The following RBFOX1 variants were observed in gnomAD, a reference collection of about 807,000 sequenced individuals.
RBFOX1 encodes RNA binding protein fox-1 homolog 1.
In RBFOX1, 8 loss-of-function variants were observed where a neutral mutation model predicts 57.7. The observed-to-expected ratio is 0.14, with a 90% CI of 0.08 to 0.25. RBFOX1 has a LOEUF of 0.25. RBFOX1 is among the 10% of genes least tolerant of loss of function. The pLI, the probability that RBFOX1 is intolerant of heterozygous loss-of-function variation, is 1.00. For synonymous variants in RBFOX1, 326 were observed against 222.4 expected (o/e 1.47, Z -4.15); for missense variants, 611 against 548.5 (o/e 1.11, Z -1.14).
chr16:7,594,872 T>C (rs1250406568), intron 7 of RBFOX1, among the ~76,000 whole-genome samples: 1 of 152,202 alleles, frequency 6.6e-6, no homozygotes, highest in African/African-American at 2.4e-5. Flanking sequence ...AAACATTGAA[T>C]TGTTTGTATT....
chr16:7,371,033 G>A (rs1326194683), intron 4 of RBFOX1, among the ~76,000 whole-genome samples: 3 of 152,130 alleles, frequency 2.0e-5, no homozygotes, highest in South Asian at 4.1e-4. Context: ...CTGTATTTTT[G>A]ACTTGCCTGT....
At chr16:6,905,564 A>C (rs980423650) in intron 3 of RBFOX1, among the ~76,000 whole-genome samples, 9 of 151,708 alleles carry the variant, frequency 5.9e-5, no homozygotes, top group Non-Finnish European at 1.3e-4. Context: ...AAAAAAAAAA[A>C]AAGTGTAGAT....
chr16:6,719,402 T>A (rs889515816), intron 3 of RBFOX1, among the ~76,000 whole-genome samples: 2 of 151,940 alleles, frequency 1.3e-5, no homozygotes, highest in Non-Finnish European at 2.9e-5. Flanking sequence ...TACTAATAGT[T>A]TAAAAGTTTT....
At chr16:6,613,114 C>A (rs546012092) in intron 2 of RBFOX1, among the ~76,000 whole-genome samples, 3 of 151,792 alleles carry the variant, frequency 2.0e-5, no homozygotes, top group Admixed American at 2.0e-4. Flanking sequence ...CTGATTAATA[C>A]TTTTGCACTC....
At chr16:7,688,986 G>A (rs999323937) in intron 14 of RBFOX1, among the ~76,000 whole-genome samples, 1 of 151,968 alleles carries the variant, frequency 6.6e-6, no homozygotes, top group Non-Finnish European at 1.5e-5. Flanking sequence ...GCTTGGTCTT[G>A]AGCCAAGCCA....
rs138521429 is a variant in RBFOX1 at position 6,837,396 on chromosome 16, A to G, written c.-16+182746A>G. Among the ~76,000 whole-genome samples the G allele has an allele frequency of 4.0e-3, 607 of 152,330 alleles. 4 individuals are homozygous for G. The highest frequency in any genetic ancestry group is 7.2e-3 in the Non-Finnish European group (487 of 68,032). On this transcript the variant is annotated intron_variant, in intron 3 of 15. Coordinates refer to ENST00000550418, the MANE Select transcript of RBFOX1 (RefSeq NM_018723.4). The stretch of plus-strand genomic sequence containing the variant: ...TTCTCCGCAATGGTAGTGACTTCCA[A>G]TCACGGTCCACCAGCTAGAGCTGAT...
At chr16:6,607,428 C>CTG (rs1186662463) in intron 2 of RBFOX1, among the ~76,000 whole-genome samples, 26 of 150,924 alleles carry the variant, frequency 1.7e-4, no homozygotes, top group Admixed American at 1.3e-3. Flanking sequence ...CTCTCTCTCT[C>CTG]TCTCTCTCGC....
At chr16:7,073,840 G>T (rs999155471) in intron 4 of RBFOX1, among the ~76,000 whole-genome samples, 3 of 152,076 alleles carry the variant, frequency 2.0e-5, no homozygotes, top group Admixed American at 1.3e-4. Flanking sequence ...CTGGGTGACA[G>T]AGCAAGGCAT....
At chr16:5,267,198 C>T (rs1425613449) in intron 1 of RBFOX1, among the ~76,000 whole-genome samples, 2 of 152,166 alleles carry the variant, frequency 1.3e-5, no homozygotes, top group Non-Finnish European at 2.9e-5. Context: ...TCCAAATGGA[C>T]TTTGCTAAAA....
rs539914946 is a variant in RBFOX1, at chr16:7,002,579, G to T, written c.-15-49478G>T. 2.0e-5 allele frequency among the ~76,000 whole-genome samples: 3 copies of T among 152,222 alleles called. No homozygotes were observed. The South Asian group carries it at 6.2e-4, about 32-fold the overall frequency. ...ATACAAAAATTTGCTGGGCGTGGTGGCATGCACATGTCATCCCAGCCACTC... is the reference window on the plus strand; with the variant it reads ...ATACAAAAATTTGCTGGGCGTGGTGTCATGCACATGTCATCCCAGCCACTC... On this transcript the variant is annotated intron_variant, in intron 3 of 15. Transcript: ENST00000550418.
chr16:6,283,656 C>G (rs1054924164), intron 1 of RBFOX1, among the ~76,000 whole-genome samples: 1 of 152,196 alleles, frequency 6.6e-6, no homozygotes, highest in African/African-American at 2.4e-5. Context: ...TTTGTCCCTA[C>G]GTGCCGTTAG....
intron 3 of RBFOX1, among the ~76,000 whole-genome samples, chr16:6,660,752 A>G (rs2098696214): frequency 1.5e-5 from 2 of 137,928 alleles, no homozygotes; most frequent in South Asian, 5.2e-4. Flanking sequence ...GATTAACTGT[A>G]GCTGCGGTTA....
intron 1 of RBFOX1, among the ~76,000 whole-genome samples, chr16:6,194,361 T>C (rs2097166396): frequency 1.3e-5 from 2 of 152,266 alleles, no homozygotes; most frequent in Non-Finnish European, 2.9e-5. Context: ...TCCCTCATGC[T>C]TGAAAATAAA....
intron 8 of RBFOX1, among the ~76,000 whole-genome samples, chr16:7,596,171 C>G (rs1173006110): frequency 6.2e-5 from 6 of 96,844 alleles, no homozygotes; most frequent in Non-Finnish European, 1.1e-4. Flanking sequence ...CTAAACCTCT[C>G]GTTTTTTTTT....
intron 3 of RBFOX1, among the ~76,000 whole-genome samples, chr16:6,778,852 C>G (rs1282848231): frequency 6.6e-6 from 1 of 150,500 alleles, no homozygotes; most frequent in Non-Finnish European, 1.5e-5. Context: ...TACACATACA[C>G]CACACACTCT....
intron 3 of RBFOX1, among the ~76,000 whole-genome samples, chr16:6,883,139 A>C (rs9938451): frequency 1.3e-5 from 2 of 152,140 alleles, no homozygotes; most frequent in Non-Finnish European, 2.9e-5. Flanking sequence ...TCATTAAGGC[A>C]GAGGTGGGGA....
At chr16:6,333,613 A>G (rs921390497) in intron 2 of RBFOX1, among the ~76,000 whole-genome samples, 1 of 151,674 alleles carries the variant, frequency 6.6e-6, no homozygotes, top group Admixed American at 6.6e-5. Flanking sequence ...CCTCTGAAAA[A>G]CTCTTAAAAT....
intron 1 of RBFOX1, among the ~76,000 whole-genome samples, chr16:5,260,355 C>T (rs1346994543): frequency 6.6e-6 from 1 of 152,152 alleles, no homozygotes; most frequent in Non-Finnish European, 1.5e-5. Flanking sequence ...GAGCAGCATT[C>T]CTTGCTATGC....
At chr16:6,395,266 G>C (rs545481663) in intron 2 of RBFOX1, among the ~76,000 whole-genome samples, 39 of 152,284 alleles carry the variant, frequency 2.6e-4, no homozygotes, top group Admixed American at 1.0e-3. Flanking sequence ...TTTTGTCATA[G>C]ACGTGGTGGA....
Sources: allele counts gnomAD v4.1 joint callset (sites outside exome capture counted in the v4.1 genomes callset), GRCh38; gene constraint gnomAD v4.1.1; transcripts MANE v1.5; gene names NCBI Gene and HGNC (gene_info 2026-07-23, HGNC 2026-07-21).